The following IL1RAP variants were observed in gnomAD, a reference collection of about 807,000 sequenced individuals.
The protein encoded by IL1RAP is interleukin-1 receptor accessory protein.
Under a neutral mutation model 60.7 loss-of-function variants are expected in IL1RAP, and 35 were observed. The ratio of observed to expected loss-of-function variants is 0.58; its 90% CI spans 0.44 to 0.76. IL1RAP has a LOEUF of 0.76. IL1RAP is among the 30% of genes least tolerant of loss of function. IL1RAP has a pLI of 0.00. For missense variants in IL1RAP, 572 were observed against 693.9 expected, an observed-to-expected ratio of 0.82 and a Z score of 1.97; for synonymous variants, 268 against 250.9, an observed-to-expected ratio of 1.07 and a Z score of -0.64.
chr3:190,602,136 G>A (rs1729918297), intron 3 of IL1RAP, among the ~76,000 whole-genome samples: 2 of 152,074 alleles, frequency 1.3e-5, no homozygotes, highest in Admixed American at 1.3e-4. Context: ...GTATTCCAGA[G>A]TTTTCAAATG....
chr3:190,631,879 C>A (rs1732817682), intron 9 of IL1RAP, among the ~76,000 whole-genome samples: 1 of 151,908 alleles, frequency 6.6e-6, no homozygotes, highest in African/African-American at 2.4e-5. Flanking sequence ...CGGCTCACTG[C>A]AACCACTGCC....
downstream of IL1RAP, among the ~76,000 whole-genome samples, chr3:190,652,495 C>A (rs2108872194): frequency 6.6e-6 from 1 of 152,004 alleles, no homozygotes; most frequent in South Asian, 2.1e-4. Context: ...TTTTACTGAG[C>A]CCTGTAACAT....
At chr3:190,573,118 CTCCCA>C (rs1727134911) in intron 3 of IL1RAP, among the ~76,000 whole-genome samples, 5 of 52,278 alleles carry the variant, frequency 9.6e-5, no homozygotes, top group Non-Finnish European at 1.9e-4. Context: ...CCGCCTCGGC[CTCCCA>C]AAGTTCTGGG....
chr3:190,614,984 A>G lies in IL1RAP; in HGVS notation c.538-5291A>G, dbSNP rs78899461. On this transcript the variant is annotated intron_variant, in intron 5 of 11. Transcript: ENST00000447382. ...TGAGATTACAGGAAACAGAAAACCA[A>G]ATGTTTACATTTCAGAATTGCTGAA... 3.7e-3 allele frequency among the ~76,000 whole-genome samples: 563 copies of G among 152,248 alleles called. 3 individuals are homozygous for G. Among genetic ancestry groups the G allele is most frequent in the African/African-American group, 0.013 (548 of 41,550 alleles).
rs1733973949 is a variant in IL1RAP at position 190,645,810 on chromosome 3, G to T, written c.1313G>T (p.Cys438Phe). The change falls in exon 11 of 12, where the codon TGC becomes TTC. Residue 438 changes from cysteine to phenylalanine, a missense_variant. Cys to Phe is a radical substitution (Grantham distance 205, BLOSUM62 -2). Transcript: ENST00000447382. ...GAGAATGAATTTGGATACAAGCTGT[G>T]CATCTTTGACCGAGACAGTCTGCCT... The part of the protein sequence containing the change: ...VLENEFGYKL[C>F]IFDRDSLPGG... The T allele has an allele frequency of 6.2e-7, 1 of 1,613,540 alleles. No individual in the cohort carries two copies. The highest frequency in any genetic ancestry group is 8.5e-7 in the Non-Finnish European group (1 of 1,179,716).
chr3:190,516,019 T>C (rs976083388), intron 1 of IL1RAP, among the ~76,000 whole-genome samples: 1 of 152,164 alleles, frequency 6.6e-6, no homozygotes, highest in African/African-American at 2.4e-5. Context: ...CTCATGACAA[T>C]TGATTTTATT....
Position 190,648,482 on chromosome 3 carries a change from A to T in IL1RAP, c.1490A>T (p.Asn497Ile), listed in dbSNP as rs762709976. ...AATATGGCCTCTCGGGGCAACATCA[A>T]CGTCATTTTAGTACAGTACAAAGCT... ...LENMASRGNINVILVQYKAVK... is the reference protein window; with the variant it reads ...LENMASRGNIIVILVQYKAVK... The change falls in exon 12 of 12, where the codon AAC becomes ATC. Residue 497 changes from asparagine to isoleucine, a missense_variant. Asn to Ile is a moderately radical substitution (Grantham distance 149, BLOSUM62 -3). Transcript: ENST00000447382. 3 of 1,614,134 alleles carry T rather than the reference A, an allele frequency of 1.9e-6. No individual in the cohort carries two copies. The highest frequency in any genetic ancestry group is 2.5e-6 in the Non-Finnish European group (3 of 1,180,028).
chr3:190,592,969 C>G (rs1729071728), intron 3 of IL1RAP, among the ~76,000 whole-genome samples: 1 of 152,104 alleles, frequency 6.6e-6, no homozygotes, highest in African/African-American at 2.4e-5. Context: ...GTGTAAATAC[C>G]TGGTGCCATA....
rs752856011 is a variant in IL1RAP at position 190,556,129 on chromosome 3, G to A, written c.-88-1G>A. The A allele has an allele frequency of 6.6e-6, 1 of 152,000 alleles. No individual in the cohort carries two copies. Among genetic ancestry groups the A allele is most frequent in the African/African-American group, 2.4e-5 (1 of 41,360 alleles). 9.4% of individuals were successfully genotyped at this position (152,000 alleles called of 1,614,324 possible). On this transcript the variant is annotated splice_acceptor_variant, in intron 1 of 11. Transcript: ENST00000447382. LOFTEE classifies it low-confidence loss of function (5UTR_SPLICE). ...TCAACTTTTTCATTTTGTTTACATA[G>A]GCATCGTCATGTGATCATCACCTAA... is the stretch of plus-strand genomic sequence containing the variant.
In IL1RAP at chr3:190,649,286, T is replaced by C. The variant is rs1163152917; in HGVS notation, c.*581T>C. On this transcript the variant is annotated 3_prime_UTR_variant, in exon 12 of 12. Transcript: ENST00000447382. ...CTGAAAATGTTTCTTTTAATTGATT[T>C]AAAGGACTTGTCTTCTATACCACCC... 1 of 985,492 alleles carries C rather than the reference T, an allele frequency of 1.0e-6. No individual in the cohort carries two copies. The highest frequency in any genetic ancestry group is 1.7e-5 in the African/African-American group (1 of 57,362). 61.0% of individuals were successfully genotyped at this position (985,492 alleles called of 1,614,324 possible). A position where few individuals can be genotyped will look rare whatever the true frequency, so the allele number is the denominator to read the frequency against.
chr3:190,525,426 G>A (rs1377392397), intron 1 of IL1RAP, among the ~76,000 whole-genome samples: 3 of 152,200 alleles, frequency 2.0e-5, no homozygotes, highest in Non-Finnish European at 4.4e-5. Context: ...GATAGGCAAG[G>A]CCTAGGTCAG....
intron 10 of IL1RAP, among the ~76,000 whole-genome samples, chr3:190,644,883 A>C (rs1003736642): frequency 2.6e-5 from 4 of 152,230 alleles, no homozygotes; most frequent in Admixed American, 2.6e-4. Context: ...AGTGAGCAAT[A>C]GACTCGTGAC....
chr3:190,645,494 G>T (rs1733950249), intron 10 of IL1RAP, among the ~76,000 whole-genome samples: 1 of 152,184 alleles, frequency 6.6e-6, no homozygotes, highest in Admixed American at 6.5e-5. Context: ...CAACCTGTAA[G>T]ATGAGAGTTG....
chr3:190,635,816 G>A (rs977859131), intron 9 of IL1RAP, among the ~76,000 whole-genome samples: 2 of 152,174 alleles, frequency 1.3e-5, no homozygotes, highest in African/African-American at 4.8e-5. Flanking sequence ...CTCCAACTTA[G>A]AACTACCTGA....
intron 4 of IL1RAP, among the ~76,000 whole-genome samples, chr3:190,605,285 C>T (rs1730209835): frequency 8.1e-6 from 1 of 123,578 alleles, no homozygotes; most frequent in Non-Finnish European, 1.8e-5. Flanking sequence ...TTATATTTTA[C>T]TCTTCAGTAT....
At chr3:190,587,452 A>G (rs1409613148) in intron 3 of IL1RAP, among the ~76,000 whole-genome samples, 1 of 152,230 alleles carries the variant, frequency 6.6e-6, no homozygotes, top group Admixed American at 6.5e-5. Flanking sequence ...GGTAGTTCCT[A>G]TGGTGGTGGC....
chr3:190,626,453 A>G (rs987277284), intron 7 of IL1RAP, among the ~76,000 whole-genome samples: 1 of 152,002 alleles, frequency 6.6e-6, no homozygotes, highest in African/African-American at 2.4e-5. Flanking sequence ...TTTTTAAGTT[A>G]TCTTAAAATT....
At chr3:190,524,499 T>C (rs2108518686) in intron 1 of IL1RAP, among the ~76,000 whole-genome samples, 1 of 152,338 alleles carries the variant, frequency 6.6e-6, no homozygotes. Flanking sequence ...CCTGAGTTAA[T>C]TTTTACGTAT....
intron 3 of IL1RAP, among the ~76,000 whole-genome samples, chr3:190,589,999 A>G (rs1560194299): frequency 6.6e-6 from 1 of 152,172 alleles, no homozygotes; most frequent in Non-Finnish European, 1.5e-5. Flanking sequence ...TCAAACACAC[A>G]TAATAATTCC....
Sources: allele counts gnomAD v4.1 joint callset (sites outside exome capture counted in the v4.1 genomes callset), GRCh38; gene constraint gnomAD v4.1.1; transcripts MANE v1.5; gene names NCBI Gene and HGNC (gene_info 2026-07-23, HGNC 2026-07-21).